Variants in LINC00632 observed in about 807,000 individuals in gnomAD.
The protein encoded by LINC00632 is long independently transcribed non-coding RNA 632.
chrX:140,735,121 C>T lies in LINC00632; in HGVS notation n.191+1157C>T, dbSNP rs750189864. ...ATTTTCCCCAAACTAATTTTTGAAT[C>T]GGAGAATGACTCTTACTTATTTCTA... On this transcript the variant is annotated intron_variant and non_coding_transcript_variant, in intron 3 of 4. Coordinates refer to ENST00000648200, the Ensembl canonical transcript of LINC00632. 1.8e-3 allele frequency among the ~76,000 whole-genome samples: 200 copies of T among 111,299 alleles called. 2 individuals carry two copies. The highest frequency in any genetic ancestry group is 3.3e-3 in the Non-Finnish European group (173 of 53,046).
chrX:140,771,610 TATACACAC>T (rs1422390996), intron 3 of LINC00632, among the ~76,000 whole-genome samples: 105 of 43,612 alleles, frequency 2.4e-3, no homozygotes, highest in East Asian at 0.012. Context: ...ATTTGGCATA[TATACACAC>T]ACACACACAC....
chrX:140,765,905 G>A (rs1482880245), intron 3 of LINC00632, among the ~76,000 whole-genome samples: 3 of 111,944 alleles, frequency 2.7e-5, no homozygotes, highest in Non-Finnish European at 5.6e-5. Context: ...GTAAGAGGAA[G>A]ATCTGTAAAA....
chrX:140,725,987 C>T (rs764617551), intron 2 of LINC00632, among the ~76,000 whole-genome samples: 8 of 111,454 alleles, frequency 7.2e-5, no homozygotes, highest in South Asian at 7.5e-4. Flanking sequence ...TCACAACATA[C>T]GCACATAGCC....
chrX:140,766,498 G>A (rs1364473824), intron 3 of LINC00632, among the ~76,000 whole-genome samples: 2 of 111,608 alleles, frequency 1.8e-5, no homozygotes, highest in African/African-American at 3.3e-5. Flanking sequence ...CAATTGTTTC[G>A]AACATAAGTA....
At chrX:140,788,816 A>G (rs1275204078) in exon 5 of LINC00632, among the ~76,000 whole-genome samples, 2 of 103,243 alleles carry the variant, frequency 1.9e-5, no homozygotes, top group Non-Finnish European at 4.0e-5. Context: ...ATATGTATCT[A>G]TATTCCATAT....
chrX:140,719,421 C>A (rs759539940), intron 2 of LINC00632, among the ~76,000 whole-genome samples: 64 of 110,600 alleles, frequency 5.8e-4, no homozygotes, highest in Middle Eastern at 9.3e-3. Flanking sequence ...GCTGCAGCAT[C>A]CCCAGTAGCT....
At chrX:140,730,971 G>A (rs1931046602) in intron 2 of LINC00632, among the ~76,000 whole-genome samples, 3 of 109,142 alleles carry the variant, frequency 2.7e-5, no homozygotes, top group Non-Finnish European at 1.9e-5. Context: ...GTGCAATCTC[G>A]GCTCACTGTA....
Position 140,781,390 on chromosome X carries a change from C to T in LINC00632, n.9409C>T, listed in dbSNP as rs915597408. Reference sequence around the variant, plus strand: ...TTCTTCTCTAATTTACTTAAGCTTCCAGCCTATTTAATTAAATTAGGACAT... The same window carrying T: ...TTCTTCTCTAATTTACTTAAGCTTCTAGCCTATTTAATTAAATTAGGACAT... On this transcript the variant is annotated non_coding_transcript_exon_variant, in exon 5 of 5. Transcript: ENST00000648200. 2.7e-5 allele frequency among the ~76,000 whole-genome samples: 3 copies of T among 111,288 alleles called. No individual in the cohort carries two copies. In the East Asian group the frequency reaches 8.5e-4, roughly 32 times the overall value.
intron 2 of LINC00632, chrX:140,712,298 A>T (rs1220023603): frequency 9.2e-6 from 1 of 108,905 alleles, no homozygotes; most frequent in Non-Finnish European, 1.9e-5. Flanking sequence ...AGGAATCCAA[A>T]TATATGAAAC....
exon 5 of LINC00632, among the ~76,000 whole-genome samples, chrX:140,779,091 A>T (rs1321950986): frequency 1.8e-5 from 2 of 111,650 alleles, no homozygotes; most frequent in Non-Finnish European, 3.8e-5. Flanking sequence ...CTTTAAGAAA[A>T]GCCCCCCAAA....
At chrX:140,785,323 A>G (rs1384085353) in exon 5 of LINC00632, among the ~76,000 whole-genome samples, 1 of 111,820 alleles carries the variant, frequency 8.9e-6, no homozygotes, top group East Asian at 2.8e-4. Flanking sequence ...GAAGCTAGGT[A>G]CCATCATTAT....
At chrX:140,746,995 T>C (rs1931335638) in intron 3 of LINC00632, among the ~76,000 whole-genome samples, 1 of 111,971 alleles carries the variant, frequency 8.9e-6, no homozygotes, top group Non-Finnish European at 1.9e-5. Flanking sequence ...AGACAGGGCA[T>C]GTAAGTTTCT....
At chrX:140,783,696 C>T (rs750462374) in exon 5 of LINC00632, 23 of 1,209,281 alleles carry the variant, frequency 1.9e-5, no homozygotes, top group South Asian at 7.0e-5. Context: ...GAAAAATCTA[C>T]GTCTTCCACC....
chrX:140,749,981 C>T (rs1234156363), intron 3 of LINC00632, among the ~76,000 whole-genome samples: 2 of 111,038 alleles, frequency 1.8e-5, no homozygotes, highest in African/African-American at 6.6e-5. Context: ...AGGTGTGAGA[C>T]ACCACGCCTG....
intron 2 of LINC00632, chrX:140,712,378 C>T (rs1262480360): frequency 2.0e-5 from 2 of 102,482 alleles, no homozygotes; most frequent in Non-Finnish European, 3.9e-5. Flanking sequence ...AAAAAAAATA[C>T]CCCCGGGGTT....
chrX:140,728,241 A>C (rs1156394791), intron 2 of LINC00632, among the ~76,000 whole-genome samples: 1 of 90,272 alleles, frequency 1.1e-5, no homozygotes, highest in South Asian at 4.4e-4. Context: ...ACTCTGTCTC[A>C]AAAAAAAAAA....
chrX:140,724,392 CACAA>C (rs746223424), intron 2 of LINC00632, among the ~76,000 whole-genome samples: 31 of 100,216 alleles, frequency 3.1e-4, no homozygotes, highest in Admixed American at 1.1e-3. Flanking sequence ...CATGCACACA[CACAA>C]ACACATTCCA....
At chrX:140,738,946 G>A (rs776938342) in intron 3 of LINC00632, among the ~76,000 whole-genome samples, 2 of 111,816 alleles carry the variant, frequency 1.8e-5, no homozygotes, top group African/African-American at 6.5e-5. Context: ...CACTAATCTG[G>A]TTCAGTATAC....
At chrX:140,783,388 G>A (rs1005620557) in exon 5 of LINC00632, 2 of 453,772 alleles carry the variant, frequency 4.4e-6, no homozygotes, top group African/African-American at 2.5e-5. Flanking sequence ...CAGTCTTCCA[G>A]CAATTACTGG....
Sources: allele counts gnomAD v4.1 joint callset (sites outside exome capture counted in the v4.1 genomes callset), GRCh38; gene constraint gnomAD v4.1.1; transcripts MANE v1.5; gene names NCBI Gene and HGNC (gene_info 2026-07-23, HGNC 2026-07-21).